The following PIGU variants were observed in gnomAD, a reference collection of about 807,000 sequenced individuals.
PIGU encodes phosphatidylinositol glycan anchor biosynthesis class U, also known as GPI-anchor transamidase component PIGU.
A neutral mutation model predicts 49.9 loss-of-function variants in PIGU; 24 were observed. That is an observed-to-expected ratio of 0.48 (90% confidence interval 0.35 to 0.68). The LOEUF is 0.68. Ranked by LOEUF, PIGU falls within the 30% of genes least tolerant of loss-of-function variation. The pLI is 0.01. For missense variants in PIGU, 490 were observed against 532.6 expected (o/e 0.92, Z 0.79); for synonymous variants, 220 against 205.7 (o/e 1.07, Z -0.59).
At chr20:34,578,848 T>C (rs1045994443) in intron 10 of PIGU, among the ~76,000 whole-genome samples, 1 of 152,160 alleles carries the variant, frequency 6.6e-6, no homozygotes, top group Non-Finnish European at 1.5e-5. Context: ...GACCAGGGCC[T>C]AACAAGGTGA....
chr20:34,618,192 T>G (rs1241262087), intron 6 of PIGU, among the ~76,000 whole-genome samples: 9 of 152,248 alleles, frequency 5.9e-5, no homozygotes, highest in Admixed American at 5.9e-4. Context: ...TTTTTCATTT[T>G]TGCTTCACTG....
At chr20:34,676,867 C>T (rs557763930) in intron 1 of PIGU, 89 bp downstream of exon 1, 2 of 1,527,812 alleles carry the variant, frequency 1.3e-6, no homozygotes, top group East Asian at 2.4e-5. Flanking sequence ...AGGAACCGCG[C>T]GCTGGCGGTC....
rs1425566379 is a variant in PIGU, at chr20:34,637,956, C to T, written c.348G>A (p.Leu116=). Residue 116 remains leucine, a synonymous_variant, in exon 5 of 12, where the codon CTG becomes CTA. Coordinates refer to ENST00000217446, the MANE Select transcript of PIGU (RefSeq NM_080476.5). The stretch of plus-strand genomic sequence containing the variant: ...CGGCCACATCTGGGGCATACTGGTC[C>T]AGTTCTAGGAGGAGTTTCTGCTTTT... ...VFKKQKLLLE[L]DQYAPDVAEL... is the part of the protein sequence containing the mutation. The T allele has an allele frequency of 6.3e-7, 1 of 1,590,082 alleles. No homozygotes were observed. The highest frequency in any genetic ancestry group is 8.5e-7 in the Non-Finnish European group (1 of 1,171,694).
chr20:34,631,932 T>C (rs1600644631), intron 6 of PIGU, among the ~76,000 whole-genome samples: 1 of 149,254 alleles, frequency 6.7e-6, no homozygotes, highest in African/African-American at 2.5e-5. Flanking sequence ...CTTAACCTCC[T>C]GGGCTCAAGT....
At chr20:34,563,342 C>T (rs962001374) in intron 11 of PIGU, among the ~76,000 whole-genome samples, 3 of 152,126 alleles carry the variant, frequency 2.0e-5, no homozygotes, top group South Asian at 2.1e-4. Flanking sequence ...CCGAAGCAGG[C>T]GGATCACCTG....
intron 7 of PIGU, among the ~76,000 whole-genome samples, chr20:34,602,628 T>TATAC (rs1178401075): frequency 6.6e-6 from 1 of 152,128 alleles, no homozygotes; most frequent in Non-Finnish European, 1.5e-5. Flanking sequence ...AATGTATGTA[T>TATAC]GTATGTAAGT....
chr20:34,569,162 C>T (rs1416422210), intron 11 of PIGU, among the ~76,000 whole-genome samples: 10 of 151,870 alleles, frequency 6.6e-5, no homozygotes, highest in Non-Finnish European at 1.3e-4. Flanking sequence ...TGTGACTGTG[C>T]CACTGCACCC....
At chr20:34,580,064 C>T (rs925011669) in intron 10 of PIGU, among the ~76,000 whole-genome samples, 7 of 152,174 alleles carry the variant, frequency 4.6e-5, no homozygotes, top group South Asian at 2.1e-4. Context: ...TGCCAGGAAT[C>T]GGAGTCAAGT....
intron 11 of PIGU, chr20:34,562,597 G>C (rs770415417): frequency 2.3e-6 from 3 of 1,280,878 alleles, no homozygotes; most frequent in South Asian, 1.2e-5. Context: ...ATCTTAAACA[G>C]ATGGGGAAAC....
In PIGU at chr20:34,588,617, A is replaced by C. The variant is rs1983803261; in HGVS notation, c.628-10T>G. The C allele has an allele frequency of 6.2e-7, 1 of 1,609,906 alleles. No individual in the cohort carries two copies. Among genetic ancestry groups the C allele is most frequent in the African/African-American group, 1.3e-5 (1 of 74,788 alleles). On this transcript the variant is annotated splice_polypyrimidine_tract_variant and intron_variant, in intron 7 of 11. Coordinates refer to ENST00000217446, the MANE Select transcript of PIGU (RefSeq NM_080476.5). Reference sequence around the variant, plus strand: ...CAGGTATGTACTGCCGCTGGAGAGAAGGCAAAGTGATATAAACTTAGGGAT... The same window carrying C: ...CAGGTATGTACTGCCGCTGGAGAGACGGCAAAGTGATATAAACTTAGGGAT...
At chr20:34,650,050 G>A (rs1045110654) in intron 2 of PIGU, among the ~76,000 whole-genome samples, 6 of 150,762 alleles carry the variant, frequency 4.0e-5, no homozygotes, top group African/African-American at 7.3e-5. Flanking sequence ...GGGTTTCACC[G>A]TGTTGGCCAG....
intron 7 of PIGU, among the ~76,000 whole-genome samples, chr20:34,614,026 T>A (rs7261070): frequency 6.6e-6 from 1 of 152,206 alleles, no homozygotes; most frequent in Non-Finnish European, 1.5e-5. Context: ...CTGGGCACAG[T>A]GGCTCACACC....
At chr20:34,568,686 T>G (rs1370690908) in intron 11 of PIGU, among the ~76,000 whole-genome samples, 1 of 152,198 alleles carries the variant, frequency 6.6e-6, no homozygotes, top group Non-Finnish European at 1.5e-5. Flanking sequence ...TGGTTTCACC[T>G]GTGTTGCAGT....
Position 34,585,423 on chromosome 20 carries a change from G to C in PIGU, c.926+14C>G. ...AGCTCTGTACACACAGCAGCAGCAG[G>C]TCCAGCCACTTACTTTAGCTTTATG... On this transcript the variant is annotated intron_variant, in intron 9 of 11. Coordinates refer to ENST00000217446, the MANE Select transcript of PIGU (RefSeq NM_080476.5). The C allele has an allele frequency of 6.2e-7, 1 of 1,613,724 alleles. No individual in the cohort carries two copies. The highest frequency in any genetic ancestry group is 1.1e-5 in the South Asian group (1 of 91,068).
intron 10 of PIGU, chr20:34,579,175 C>T (rs1046343831): frequency 6.6e-6 from 1 of 152,164 alleles, no homozygotes; most frequent in Non-Finnish European, 1.5e-5. Context: ...ATTCTTTTAT[C>T]GCTATACAAT....
At chr20:34,605,369 C>T (rs1423344491) in intron 7 of PIGU, among the ~76,000 whole-genome samples, 1 of 152,180 alleles carries the variant, frequency 6.6e-6, no homozygotes, top group Admixed American at 6.5e-5. Context: ...CTAGAAATTC[C>T]ACCAGCAGAA....
chr20:34,642,094 C>G (rs1189559645), intron 4 of PIGU, among the ~76,000 whole-genome samples: 1 of 152,104 alleles, frequency 6.6e-6, no homozygotes, highest in Non-Finnish European at 1.5e-5. Flanking sequence ...CAATAACAAA[C>G]AAATTATTGG....
intron 6 of PIGU, among the ~76,000 whole-genome samples, chr20:34,622,865 G>A (rs984880738): frequency 2.6e-5 from 4 of 152,140 alleles, no homozygotes; most frequent in East Asian, 1.9e-4. Flanking sequence ...AGTCAAATGT[G>A]TATGTACATT....
chr20:34,664,226 T>A (rs920055942), intron 1 of PIGU, among the ~76,000 whole-genome samples: 5 of 152,156 alleles, frequency 3.3e-5, no homozygotes, highest in African/African-American at 1.2e-4. Flanking sequence ...TCATAGCTCA[T>A]CGCAGCCTCA....
Sources: gnomAD v4.1 joint callset for allele counts (sites outside exome capture counted in the v4.1 genomes callset) on GRCh38, gnomAD v4.1.1 for gene constraint, MANE v1.5 for transcripts, NCBI Gene and HGNC (gene_info 2026-07-23, HGNC 2026-07-21) for gene names.